Variants in TOMM70 observed in about 807,000 individuals in gnomAD.
The protein encoded by TOMM70 is translocase of outer mitochondrial membrane 70.
TOMM70 carries 13 observed loss-of-function variants against 73.6 expected under a neutral mutation model. The ratio of observed to expected loss-of-function variants is 0.18; its 90% CI spans 0.11 to 0.28. The LOEUF (loss-of-function observed/expected upper bound fraction) is 0.28. TOMM70 is among the 10% of genes least tolerant of loss of function. The pLI is 1.00. For missense variants in TOMM70, 609 were observed against 747.5 expected (o/e 0.81, Z 2.16); for synonymous variants, 257 against 271.2 (o/e 0.95, Z 0.51).
At chr3:100,369,156 G>A (rs751224311) in intron 9 of TOMM70, 21 bp from the exon 10 acceptor site, 2 of 1,545,982 alleles carry the variant, frequency 1.3e-6, no homozygotes, top group Non-Finnish European at 1.8e-6. Context: ...AGATACTTCA[G>A]TTATATTAAG....
chr3:100,384,035 T>A (rs1576215357), intron 4 of TOMM70, among the ~76,000 whole-genome samples: 1 of 152,260 alleles, frequency 6.6e-6, no homozygotes. Context: ...TTACTCAGTA[T>A]ACCTTTAAAA....
intron 1 of TOMM70, among the ~76,000 whole-genome samples, chr3:100,387,433 T>G (rs183526692): frequency 6.6e-6 from 1 of 152,010 alleles, no homozygotes; most frequent in East Asian, 1.9e-4. Context: ...GGTGAGAGAT[T>G]GGGACTCTGT....
intron 1 of TOMM70, among the ~76,000 whole-genome samples, chr3:100,389,467 T>C (rs1014983004): frequency 1.3e-5 from 2 of 152,226 alleles, no homozygotes; most frequent in Non-Finnish European, 2.9e-5. Context: ...GAGCCCTGCA[T>C]TGAAAGACTT....
In TOMM70 at chr3:100,371,559, A is replaced by T. The variant is rs553889023; in HGVS notation, c.1452+1047T>A. Among the ~76,000 whole-genome samples the T allele has an allele frequency of 7.9e-5, 12 of 152,032 alleles. No individual in the cohort carries two copies. The South Asian group carries it at 8.3e-4, about 11-fold the overall frequency. On this transcript the variant is annotated intron_variant, in intron 9 of 11. Coordinates refer to ENST00000284320, the MANE Select transcript of TOMM70 (RefSeq NM_014820.5). ...TGGGATTGCAGGCAGGAGCCACCAC[A>T]CCCAGCCAGGGGATAGTAATTTGTT... is the stretch of plus-strand genomic sequence containing the variant.
Position 100,390,416 on chromosome 3 carries a change from T to C in TOMM70, c.325-3438A>G, listed in dbSNP as rs939651488. On this transcript the variant is annotated intron_variant, in intron 1 of 11. Coordinates refer to ENST00000284320, the MANE Select transcript of TOMM70 (RefSeq NM_014820.5). ...CAATGGTGGTCCCATAAGATTATCATGGAGCTGAAAAATTCCTATTGCCTA... is the reference window on the plus strand; with the variant it reads ...CAATGGTGGTCCCATAAGATTATCACGGAGCTGAAAAATTCCTATTGCCTA... Among the ~76,000 whole-genome samples the C allele has an allele frequency of 1.1e-4, 16 of 152,374 alleles. No homozygotes were observed. The East Asian group carries it at 2.9e-3, about 28-fold the overall frequency.
intron 3 of TOMM70, 150 bp downstream of exon 3, chr3:100,386,068 C>T: frequency 1.3e-6 from 1 of 799,628 alleles, no homozygotes; most frequent in Non-Finnish European, 1.9e-6. Flanking sequence ...AGCAATCTTA[C>T]TTTAAACTAG....
rs758549631 is a variant in TOMM70 at position 100,381,607 on chromosome 3, A to G, written c.884+8T>C. 11 of 1,612,178 alleles carry G rather than the reference A, an allele frequency of 6.8e-6. No individual in the cohort carries two copies. The highest frequency in any genetic ancestry group is 9.3e-6 in the Non-Finnish European group (11 of 1,178,978). On this transcript the variant is annotated splice_region_variant and intron_variant, in intron 5 of 11. Transcript: ENST00000284320. ...CCACTAAGTAGACACTATGCTTGACATACTTACTTTTCTTTCACTTCTAAA... is the reference window on the plus strand; with the variant it reads ...CCACTAAGTAGACACTATGCTTGACGTACTTACTTTTCTTTCACTTCTAAA...
chr3:100,390,786 G>A (rs943846224), intron 1 of TOMM70, among the ~76,000 whole-genome samples: 5 of 150,140 alleles, frequency 3.3e-5, no homozygotes, highest in South Asian at 2.1e-4. Context: ...CCAAGATTGC[G>A]CCACTGCACT....
intron 5 of TOMM70, 38 bp downstream of exon 5, chr3:100,381,577 A>T (rs775841290): frequency 2.6e-5 from 41 of 1,586,814 alleles, no homozygotes; most frequent in Admixed American, 2.2e-4. Context: ...AAAGCACCCA[A>T]AACACCACTA....
At position 100,363,723 on chromosome 3, in the gene TOMM70, T is replaced by A. The variant is rs1008011264; in HGVS notation, c.*1841A>T. On this transcript the variant is annotated 3_prime_UTR_variant, in exon 12 of 12. Transcript: ENST00000284320. ...ACAGCCATGCAAATAAAAACTTTTT[T>A]AAAGTCAGAGGTCATTCAGAGATGT... is the stretch of plus-strand genomic sequence containing the variant. 2.6e-5 allele frequency: 4 copies of A among 152,616 alleles called. No homozygotes were observed. Among genetic ancestry groups the A allele is most frequent in the African/African-American group, 9.6e-5 (4 of 41,458 alleles). The allele number at this position is 152,616 out of a possible 1,614,324, so 9.5% of individuals were successfully genotyped here.
intron 1 of TOMM70, among the ~76,000 whole-genome samples, chr3:100,388,795 T>C (rs1706722415): frequency 6.6e-6 from 1 of 152,178 alleles, no homozygotes; most frequent in Non-Finnish European, 1.5e-5. Flanking sequence ...TAAAGAGCAC[T>C]AATTAGAAAT....
intron 1 of TOMM70, among the ~76,000 whole-genome samples, chr3:100,389,966 G>A (rs1013322065): frequency 6.0e-5 from 9 of 151,192 alleles, no homozygotes; most frequent in African/African-American, 2.2e-4. Context: ...CCTGAACTCA[G>A]GAGGCGGAGG....
chr3:100,389,878 C>CA (rs898683715), intron 1 of TOMM70, among the ~76,000 whole-genome samples: 12 of 151,924 alleles, frequency 7.9e-5, no homozygotes, highest in African/African-American at 2.9e-4. Context: ...CCTGTCTCTA[C>CA]AAAAATAGAA....
chr3:100,391,136 G>A (rs548747572), intron 1 of TOMM70, among the ~76,000 whole-genome samples: 5 of 151,318 alleles, frequency 3.3e-5, no homozygotes, highest in African/African-American at 9.7e-5. Context: ...GTAAGACTCC[G>A]TCTCAAAAAA....
chr3:100,367,535 T>C (rs775766302), intron 11 of TOMM70, among the ~76,000 whole-genome samples: 2 of 152,186 alleles, frequency 1.3e-5, no homozygotes, highest in Non-Finnish European at 2.9e-5. Context: ...TCCACCTTTA[T>C]AAAGATGGGG....
At chr3:100,394,404 A>AG (rs1281087767) in intron 1 of TOMM70, among the ~76,000 whole-genome samples, 1 of 143,388 alleles carries the variant, frequency 7.0e-6, no homozygotes, top group Non-Finnish European at 1.5e-5. Context: ...TCTGTCGCCC[A>AG]GGGGGGCACG....
intron 7 of TOMM70, among the ~76,000 whole-genome samples, chr3:100,374,735 T>G (rs1423937460): frequency 1.3e-5 from 2 of 152,244 alleles, no homozygotes; most frequent in Non-Finnish European, 2.9e-5. Context: ...TTTTACTCAT[T>G]GAAACCTATG....
intron 1 of TOMM70, 103 bp from the exon 2 acceptor site, chr3:100,387,081 GT>G: frequency 8.4e-7 from 1 of 1,196,572 alleles, no homozygotes; most frequent in Non-Finnish European, 1.2e-6. Flanking sequence ...CAGAATGGCT[GT>G]TTACAATGTA....
chr3:100,381,527 T>G, intron 5 of TOMM70, 88 bp downstream of exon 5: 7 of 1,098,812 alleles, frequency 6.4e-6, no homozygotes, highest in Non-Finnish European at 8.6e-6. Context: ...GCTGCTGTTG[T>G]GAGATGGCTC....
Sources: gnomAD v4.1 joint callset for allele counts (sites outside exome capture counted in the v4.1 genomes callset) on GRCh38, gnomAD v4.1.1 for gene constraint, MANE v1.5 for transcripts, NCBI Gene and HGNC (gene_info 2026-07-23, HGNC 2026-07-21) for gene names.